The following PPM1D variants were observed in gnomAD, a reference collection of about 807,000 sequenced individuals.
PPM1D encodes the protein protein phosphatase 1D.
PPM1D carries 52 observed loss-of-function variants against 58.3 expected under a neutral mutation model. The ratio of observed to expected loss-of-function variants is 0.89; its 90% confidence interval spans 0.71 to 1.12. The LOEUF is 1.12. PPM1D is among the 50% of genes most tolerant of loss of function. The pLI, the probability that PPM1D is intolerant of heterozygous loss-of-function variation, is 0.00. For missense variants in PPM1D, 564 were observed against 777.2 expected (o/e 0.73, Z 3.26); for synonymous variants, 278 against 285.1 (o/e 0.98, Z 0.25).
intron 2 of PPM1D, 25 bp from the exon 3 acceptor site, chr17:60,633,828 A>G (rs758437434): frequency 6.3e-7 from 1 of 1,583,988 alleles, no homozygotes; most frequent in East Asian, 2.3e-5. Flanking sequence ...CATTTAGATT[A>G]TTTATGTGAA....
chr17:60,608,460 T>G (rs918470801), intron 1 of PPM1D, among the ~76,000 whole-genome samples: 2 of 152,074 alleles, frequency 1.3e-5, no homozygotes, highest in African/African-American at 4.8e-5. Flanking sequence ...AAGAACCTGA[T>G]GAAACCCAGT....
chr17:60,645,690 A>T (rs961311696), intron 3 of PPM1D, among the ~76,000 whole-genome samples: 2 of 145,994 alleles, frequency 1.4e-5, no homozygotes, highest in Admixed American at 1.4e-4. Flanking sequence ...ATACATATGT[A>T]GGTAGGTAGA....
chr17:60,614,219 C>G (rs2030532144), intron 1 of PPM1D, among the ~76,000 whole-genome samples: 1 of 152,168 alleles, frequency 6.6e-6, no homozygotes, highest in African/African-American at 2.4e-5. Context: ...CTGTGTCTAG[C>G]TCAGGGTTTG....
intron 4 of PPM1D, among the ~76,000 whole-genome samples, chr17:60,655,494 A>G (rs960234357): frequency 6.6e-6 from 1 of 152,040 alleles, no homozygotes; most frequent in Admixed American, 6.6e-5. Flanking sequence ...GATTACAGGC[A>G]CACACCACCA....
chr17:60,656,611 C>A lies in PPM1D; in HGVS notation c.1030C>A (p.Gln344Lys), dbSNP rs1256300367. Residue 344 changes from glutamine to lysine, a missense_variant, in exon 5 of 6, where the codon CAA becomes AAA. This residue lies in a region of PPM1D where 34 missense variants were observed against 34.3 expected (regional missense o/e 0.99). Transcript: ENST00000305921. ...CTTTTGAATACAGGGTGAGCATGGA[C>A]AATCTTGTGCCAAAATGCTTGTGAA... ...EKKYLMGEHG[Q>K]SCAKMLVNRA... 1 of 1,614,126 alleles carries A rather than the reference C, an allele frequency of 6.2e-7. No individual in the cohort carries two copies. The highest frequency in any genetic ancestry group is 8.5e-7 in the Non-Finnish European group (1 of 1,179,984).
intron 1 of PPM1D, among the ~76,000 whole-genome samples, chr17:60,602,788 A>G (rs1380883359): frequency 2.0e-5 from 3 of 150,358 alleles, no homozygotes; most frequent in Non-Finnish European, 4.4e-5. Context: ...TGAAAAAAAA[A>G]AAAAAAAAAA....
At chr17:60,622,483 C>T (rs2030726676) in intron 1 of PPM1D, among the ~76,000 whole-genome samples, 1 of 152,106 alleles carries the variant, frequency 6.6e-6, no homozygotes, top group Non-Finnish European at 1.5e-5. Context: ...TTTAGTGTTA[C>T]ATAATACTTC....
rs747069116 is a variant in PPM1D, at chr17:60,647,948, GAC to G, written c.887_888del (p.Thr296LysfsTer6). The G allele has an allele frequency of 6.2e-7, 1 of 1,613,596 alleles. No homozygotes were observed. Among genetic ancestry groups the G allele is most frequent in the Non-Finnish European group, 8.5e-7 (1 of 1,179,580 alleles). On this transcript the variant is annotated frameshift_variant, in exon 4 of 6. Transcript: ENST00000305921. LOFTEE classifies it high-confidence loss of function. ...SGEFVVSPEP[D>X]TSVHTLDPQK... ...TGAATTTGTGGTGTCACCTGAACCAGACACAAGTGTCCACACTCTTGACCCTC... is the reference window on the plus strand; with the variant it reads ...TGAATTTGTGGTGTCACCTGAACCAGACAAGTGTCCACACTCTTGACCCTC...
rs2031575795 is a variant in PPM1D at position 60,663,849 on chromosome 17, TA to T, written c.*300del. 1 of 224,462 alleles carries T rather than the reference TA, an allele frequency of 4.5e-6. No homozygotes were observed. The highest frequency in any genetic ancestry group is 5.1e-5 in the Admixed American group (1 of 19,580). The allele number at this position is 224,462 out of a possible 1,614,324, so 13.9% of individuals were successfully genotyped here. Reference sequence around the variant, plus strand: ...TACACAGTAATTGTGACAATAGGGCTAAATGTTTAAAGAAATCAAAAGAATC... The same window carrying T: ...TACACAGTAATTGTGACAATAGGGCTAATGTTTAAAGAAATCAAAAGAATC... On this transcript the variant is annotated 3_prime_UTR_variant, in exon 6 of 6. Transcript: ENST00000305921.
chr17:60,638,034 C>G (rs2031058975), intron 3 of PPM1D, among the ~76,000 whole-genome samples: 1 of 152,154 alleles, frequency 6.6e-6, no homozygotes, highest in Non-Finnish European at 1.5e-5. Context: ...GGTGGAATAG[C>G]AAGACCACAA....
chr17:60,639,532 G>T (rs997139247), intron 3 of PPM1D, among the ~76,000 whole-genome samples: 2 of 152,126 alleles, frequency 1.3e-5, no homozygotes, highest in Non-Finnish European at 2.9e-5. Flanking sequence ...CCGCCTTCCG[G>T]GTTCAAGCGA....
chr17:60,613,017 C>G (rs1235148261), intron 1 of PPM1D, among the ~76,000 whole-genome samples: 2 of 152,106 alleles, frequency 1.3e-5, no homozygotes, highest in Non-Finnish European at 2.9e-5. Flanking sequence ...TGCACTTGGC[C>G]TTTTCTACCA....
At chr17:60,656,490 A>C in intron 4 of PPM1D, 109 bp from the exon 5 acceptor site, 1 of 1,345,212 alleles carries the variant, frequency 7.4e-7, no homozygotes, top group Non-Finnish European at 1.0e-6. Flanking sequence ...AAAAATTGGG[A>C]GCTTTGTTTG....
chr17:60,606,281 T>G (rs1457558677), intron 1 of PPM1D, among the ~76,000 whole-genome samples: 1 of 152,266 alleles, frequency 6.6e-6, no homozygotes, highest in Non-Finnish European at 1.5e-5. Context: ...ACATTGTGTT[T>G]ATCCAGTTTT....
chr17:60,602,534 C>T (rs1156632598), intron 1 of PPM1D, among the ~76,000 whole-genome samples: 1 of 151,870 alleles, frequency 6.6e-6, no homozygotes, highest in African/African-American at 2.4e-5. Context: ...ATCCTTCCTC[C>T]TCGGCCTCCG....
chr17:60,656,734 T>G lies in PPM1D; in HGVS notation c.1153T>G (p.Phe385Val). The G allele has an allele frequency of 6.2e-7, 1 of 1,614,168 alleles. No homozygotes were observed. Among genetic ancestry groups the G allele is most frequent in the Non-Finnish European group, 8.5e-7 (1 of 1,180,030 alleles). The part of the protein sequence containing the change: ...ISPEVDNQGN[F>V]TNEDELYLNL... ...TCCAGAAGTGGACAATCAGGGAAAC[T>G]TTACCAATGAAGATGAGTTATACCT... Residue 385 changes from phenylalanine to valine, a missense_variant, in exon 5 of 6, where the codon TTT (phenylalanine) becomes GTT (valine). Phe to Val is a conservative substitution (Grantham distance 50). Transcript: ENST00000305921.
chr17:60,637,282 A>G (rs1598407740), intron 3 of PPM1D, among the ~76,000 whole-genome samples: 1 of 151,252 alleles, frequency 6.6e-6, no homozygotes, highest in East Asian at 1.9e-4. Flanking sequence ...ATGAGGTCTC[A>G]CTCTGTGCCA....
intron 1 of PPM1D, among the ~76,000 whole-genome samples, chr17:60,619,953 A>C (rs2030664618): frequency 6.6e-6 from 1 of 151,298 alleles, no homozygotes; most frequent in Non-Finnish European, 1.5e-5. Flanking sequence ...ATGTCTATTC[A>C]GGTCATTTGC....
chr17:60,636,325 C>T (rs1027267873), intron 3 of PPM1D, among the ~76,000 whole-genome samples: 1 of 152,126 alleles, frequency 6.6e-6, no homozygotes, highest in Non-Finnish European at 1.5e-5. Flanking sequence ...TCTTTATTCA[C>T]CAAATATTTA....
Sources: allele counts gnomAD v4.1 joint callset (sites outside exome capture counted in the v4.1 genomes callset), GRCh38; gene constraint gnomAD v4.1.1; regional missense constraint gnomAD v4.1.1; transcripts MANE v1.5; gene names NCBI Gene and HGNC (gene_info 2026-07-23, HGNC 2026-07-21).